The following RASSF3 variants were observed in gnomAD, a reference collection of about 807,000 sequenced individuals.
RASSF3 encodes Ras association domain family member 3, also known as ras association domain-containing protein 3.
Under a neutral mutation model 19.9 loss-of-function variants are expected in RASSF3, and 19 were observed. The ratio of observed to expected loss-of-function variants is 0.96; its 90% CI spans 0.67 to 1.40. RASSF3 has a LOEUF of 1.40. Ranked by LOEUF, RASSF3 falls within the 40% of genes most tolerant of loss-of-function variation. RASSF3 has a pLI of 0.00. For missense variants in RASSF3, 306 were observed against 289.8 expected, an observed-to-expected ratio of 1.06 and a Z score of -0.41; for synonymous variants, 110 against 104.2, an observed-to-expected ratio of 1.06 and a Z score of -0.34.
chr12:64,656,740 A>T (rs1404872427), intron 1 of RASSF3, among the ~76,000 whole-genome samples: 1 of 152,196 alleles, frequency 6.6e-6, no homozygotes, highest in African/African-American at 2.4e-5. Context: ...TGCCCGTCTG[A>T]TGGAATATCT....
At chr12:64,569,914 G>C (rs188818861) in intron 2 of RASSF3, among the ~76,000 whole-genome samples, 2 of 152,162 alleles carry the variant, frequency 1.3e-5, no homozygotes, top group Admixed American at 6.5e-5. Flanking sequence ...GCAGTGAGCC[G>C]AGGCCGTGCC....
chr12:64,662,062 G>A (rs1292336227), intron 1 of RASSF3, among the ~76,000 whole-genome samples: 2 of 151,690 alleles, frequency 1.3e-5, no homozygotes, highest in East Asian at 1.9e-4. Context: ...AGACAAAAAT[G>A]GAGAGAGAGA....
At chr12:64,515,095 C>T (rs1447194264) in intron 1 of RASSF3, among the ~76,000 whole-genome samples, 3 of 151,508 alleles carry the variant, frequency 2.0e-5, no homozygotes, top group African/African-American at 7.3e-5. Flanking sequence ...CTTTCTGTTT[C>T]ACCCAGGATG....
chr12:64,553,021 C>T (rs906234962), intron 2 of RASSF3, among the ~76,000 whole-genome samples: 1 of 151,964 alleles, frequency 6.6e-6, no homozygotes, highest in East Asian at 1.9e-4. Flanking sequence ...CCAGCCTGGC[C>T]GACATGGCAA....
At position 64,697,556 on chromosome 12, in the gene RASSF3, A is replaced by C. The variant is rs1362289490; in HGVS notation, c.*2644A>C. On this transcript the variant is annotated 3_prime_UTR_variant, in exon 5 of 5. Transcript: ENST00000542104. ...AAATTGTTTCCATTATTAAAAATTG[A>C]AGTTATTAGTTGTTTATGTGTGTTT... 1 of 152,180 alleles carries C rather than the reference A, an allele frequency of 6.6e-6. No individual in the cohort carries two copies. Among genetic ancestry groups the C allele is most frequent in the African/African-American group, 2.4e-5 (1 of 41,450 alleles). The allele number at this position is 152,180 out of a possible 1,614,324, so 9.4% of individuals were successfully genotyped here. A position where few individuals can be genotyped will look rare whatever the true frequency, so the allele number is the denominator to read the frequency against.
At chr12:64,542,998 G>C (rs1868961487), downstream of RASSF3, among the ~76,000 whole-genome samples, 1 of 146,018 alleles carries the variant, frequency 6.8e-6, no homozygotes, top group African/African-American at 2.8e-5. Flanking sequence ...CGTGGGCTTG[G>C]CGGGGCCCCG....
Position 64,684,013 on chromosome 12 carries a change from A to AGTGTGTGTGTGTGTGTGTGT in RASSF3, c.112-769_112-750dup, listed in dbSNP as rs10598381. On this transcript the variant is annotated intron_variant, in intron 1 of 4. Coordinates refer to ENST00000542104, the MANE Select transcript of RASSF3 (RefSeq NM_178169.4). ...AGGAGAGAGAGAGAGAGAGAGAGTG[A>AGTGTGTGTGTGTGTGTGTGT]GTGTGTGTGTGTGTGTGTGTGTGTT... 1.7e-4 allele frequency among the ~76,000 whole-genome samples: 23 copies of AGTGTGTGTGTGTGTGTGTGT among 138,468 alleles called. 1 individual carries two copies. The highest frequency in any genetic ancestry group is 6.1e-4 in the African/African-American group (23 of 37,566). The allele number at this position is 138,468 out of a possible 152,430, so 90.8% of individuals were successfully genotyped here. A position where few individuals can be genotyped will look rare whatever the true frequency, so the allele number is the denominator to read the frequency against.
At chr12:64,613,364 A>G (rs1870439035) in intron 1 of RASSF3, among the ~76,000 whole-genome samples, 2 of 146,846 alleles carry the variant, frequency 1.4e-5, no homozygotes, top group East Asian at 2.0e-4. Context: ...TTTTTTTTGG[A>G]TGCTGTACCA....
At chr12:64,669,010 A>T (rs148389740) in intron 1 of RASSF3, among the ~76,000 whole-genome samples, 1 of 152,224 alleles carries the variant, frequency 6.6e-6, no homozygotes, top group East Asian at 1.9e-4. Context: ...GTTCCTAAGG[A>T]AGTCAAGTCC....
intron 1 of RASSF3, among the ~76,000 whole-genome samples, chr12:64,661,677 CTTTTTTTTTTTTTTTTTT>C (rs71092993): frequency 1.3e-5 from 1 of 79,002 alleles, no homozygotes. Context: ...TTTTCTTTTT[CTTTTTTTTTTTTTTTTTT>C]TTTTTGAGAC....
At chr12:64,676,125 C>A (rs1259738714) in intron 1 of RASSF3, among the ~76,000 whole-genome samples, 1 of 151,912 alleles carries the variant, frequency 6.6e-6, no homozygotes, top group East Asian at 1.9e-4. Context: ...GCACCAAACA[C>A]CCCAGAAACA....
chr12:64,556,873 G>A (rs1052472020), intron 2 of RASSF3, among the ~76,000 whole-genome samples: 26 of 127,810 alleles, frequency 2.0e-4, no homozygotes, highest in Non-Finnish European at 4.0e-4. Flanking sequence ...GTCTTGCTCC[G>A]TCGCCCAGGC....
intron 2 of RASSF3, among the ~76,000 whole-genome samples, chr12:64,564,377 T>G (rs1869394621): frequency 1.5e-5 from 2 of 129,240 alleles, no homozygotes; most frequent in Non-Finnish European, 3.6e-5. Flanking sequence ...CCTAACACAT[T>G]TCTTTTCTTT....
chr12:64,679,303 C>T (rs1204845454), intron 1 of RASSF3, among the ~76,000 whole-genome samples: 1 of 152,228 alleles, frequency 6.6e-6, no homozygotes, highest in Non-Finnish European at 1.5e-5. Context: ...TCGTGATCCA[C>T]CCACCTTGGC....
At chr12:64,622,776 C>G (rs1306044439) in intron 1 of RASSF3, among the ~76,000 whole-genome samples, 2 of 151,364 alleles carry the variant, frequency 1.3e-5, no homozygotes, top group Non-Finnish European at 2.9e-5. Context: ...CTCCTTAATC[C>G]CCAATTTCTT....
intron 2 of RASSF3, among the ~76,000 whole-genome samples, chr12:64,588,767 T>G (rs778870884): frequency 3.3e-5 from 5 of 152,204 alleles, no homozygotes; most frequent in Admixed American, 6.6e-5. Flanking sequence ...ACTTTCTGAC[T>G]TAATATTAAA....
intron 2 of RASSF3, among the ~76,000 whole-genome samples, chr12:64,581,262 G>A (rs1399878333): frequency 6.6e-6 from 1 of 152,160 alleles, no homozygotes; most frequent in Non-Finnish European, 1.5e-5. Context: ...ATTCCCCAGG[G>A]TTTGGACAAT....
chr12:64,614,699 C>CTT (rs11334564), intron 1 of RASSF3, among the ~76,000 whole-genome samples: 1 of 129,486 alleles, frequency 7.7e-6, no homozygotes, highest in Non-Finnish European at 1.6e-5. Context: ...CTTTTCTTTT[C>CTT]TTTTTTTTTT....
rs150980185 is a variant in RASSF3, at chr12:64,520,715, G to A, written c.169+13386G>A. 4.4e-4 allele frequency among the ~76,000 whole-genome samples: 66 copies of A among 150,754 alleles called. No homozygotes were observed. In the East Asian group the frequency reaches 4.9e-3, roughly 11 times the overall value. On this transcript the variant is annotated intron_variant, in intron 1 of 5. Transcript: ENST00000637125. ...CTTGCTAGCTAAAAAAAAGTATTGC[G>A]GTCATAATGGAAAGAAGGACATTGG...
Sources: allele counts gnomAD v4.1 joint callset (sites outside exome capture counted in the v4.1 genomes callset), GRCh38; gene constraint gnomAD v4.1.1; transcripts MANE v1.5; gene names NCBI Gene and HGNC (gene_info 2026-07-23, HGNC 2026-07-21).